Variants in VPS53 observed in about 807,000 individuals in gnomAD.
VPS53 encodes the protein vacuolar protein sorting-associated protein 53 homolog.
Under a neutral mutation model 107.0 loss-of-function variants are expected in VPS53, and 70 were observed. The observed-to-expected ratio is 0.65, with a 90% CI of 0.54 to 0.80. The LOEUF is 0.80. Among genes scored for constraint, VPS53 ranks in the 30% least tolerant of loss-of-function variants. The probability of loss-of-function intolerance (pLI) is 0.00; values close to 1 mark genes in which losing one functional copy is unlikely to be tolerated. For synonymous variants in VPS53, 409 were observed against 393.3 expected, an observed-to-expected ratio of 1.04 and a Z score of -0.47; for missense variants, 917 against 1,049.4, an observed-to-expected ratio of 0.87 and a Z score of 1.74.
intron 7 of VPS53, among the ~76,000 whole-genome samples, chr17:634,457 A>G (rs1970105059): frequency 6.6e-6 from 1 of 151,900 alleles, no homozygotes; most frequent in African/African-American, 2.4e-5. Context: ...CAGGTTCGTT[A>G]CATATGTATA....
At chr17:583,150 G>T (rs565394615) in intron 13 of VPS53, among the ~76,000 whole-genome samples, 2 of 149,304 alleles carry the variant, frequency 1.3e-5, no homozygotes. Flanking sequence ...ATCTCCCTCA[G>T]AACCTAATGC....
intron 2 of VPS53, among the ~76,000 whole-genome samples, chr17:707,437 T>C (rs1392010183): frequency 6.6e-6 from 1 of 151,002 alleles, no homozygotes; most frequent in Admixed American, 6.6e-5. Flanking sequence ...GGAGAATCAC[T>C]TGAACCCAGG....
At chr17:670,730 G>A (rs8081506) in intron 4 of VPS53, among the ~76,000 whole-genome samples, 12,995 of 152,128 alleles carry the variant, frequency 0.085, 631 homozygotes, top group Non-Finnish European at 0.11. Flanking sequence ...ATTTTAAACC[G>A]AGATCCCCTT....
intron 7 of VPS53, among the ~76,000 whole-genome samples, chr17:648,768 A>G (rs1432759588): frequency 7.0e-6 from 1 of 143,152 alleles, no homozygotes; most frequent in Non-Finnish European, 1.6e-5. Context: ...TGGAACAGGC[A>G]CTGAAGATCT....
rs1365499027 is a variant in VPS53, at chr17:511,773, G to T, written c.*7355C>A. 6.6e-6 allele frequency: 1 copy of T among 152,046 alleles called. No homozygotes were observed. The highest frequency in any genetic ancestry group is 1.9e-4 in the East Asian group (1 of 5,190). 9.4% of individuals were successfully genotyped at this position (152,046 alleles called of 1,614,324 possible). On this transcript the variant is annotated 3_prime_UTR_variant, in exon 22 of 22. Transcript: ENST00000437048. ...AGAAGAAGAAGAAGAAAAAAGGCAA[G>T]AATAAGTAAAAGGAAAAAAAAGAAA... is the stretch of plus-strand genomic sequence containing the variant.
intron 12 of VPS53, among the ~76,000 whole-genome samples, chr17:599,756 A>G (rs1260227267): frequency 1.6e-5 from 2 of 125,112 alleles, no homozygotes; most frequent in Non-Finnish European, 3.6e-5. Context: ...AATAAAAAAT[A>G]AATAAATTAA....
At chr17:577,229 C>T (rs34448281) in intron 13 of VPS53, among the ~76,000 whole-genome samples, 1 of 150,222 alleles carries the variant, frequency 6.7e-6, no homozygotes, top group East Asian at 2.0e-4. Context: ...TCCCTCAGAA[C>T]CTAATCTTTC....
chr17:631,779 G>A, intron 7 of VPS53, 151 bp from the exon 8 acceptor site: 1 of 627,006 alleles, frequency 1.6e-6, no homozygotes, highest in Non-Finnish European at 2.8e-6. Context: ...TACTAGTTAA[G>A]TGACAGGTTG....
intron 7 of VPS53, among the ~76,000 whole-genome samples, chr17:635,530 G>A (rs1051758270): frequency 6.6e-6 from 1 of 152,128 alleles, no homozygotes; most frequent in African/African-American, 2.4e-5. Flanking sequence ...ATGGTTTTAG[G>A]TCTAACATTT....
chr17:640,138 T>A (rs1970364261), intron 7 of VPS53, among the ~76,000 whole-genome samples: 1 of 152,200 alleles, frequency 6.6e-6, no homozygotes, highest in African/African-American at 2.4e-5. Context: ...GCCTTGCAGT[T>A]TGATCTCAGA....
intron 2 of VPS53, among the ~76,000 whole-genome samples, chr17:709,768 A>C (rs1176859631): frequency 6.6e-6 from 1 of 152,132 alleles, no homozygotes; most frequent in African/African-American, 2.4e-5. Context: ...TTCTCACCCA[A>C]ACACCCAAAA....
intron 4 of VPS53, among the ~76,000 whole-genome samples, chr17:662,891 A>AAGGC (rs796978892): frequency 3.1e-4 from 43 of 137,644 alleles, no homozygotes; most frequent in African/African-American, 8.2e-4. Flanking sequence ...GGAAGGAAGG[A>AAGGC]AGGCAGGCAG....
At chr17:684,795 G>A (rs1290715187) in intron 4 of VPS53, among the ~76,000 whole-genome samples, 1 of 151,986 alleles carries the variant, frequency 6.6e-6, no homozygotes, top group African/African-American at 2.4e-5. Flanking sequence ...AGACCAGCCT[G>A]GCCAACATAA....
intron 7 of VPS53, among the ~76,000 whole-genome samples, chr17:637,834 C>T (rs984784670): frequency 1.4e-4 from 22 of 152,158 alleles, no homozygotes; most frequent in African/African-American, 5.3e-4. Context: ...GCTTTACTTC[C>T]AACTATGTGA....
rs770607776 is a variant in VPS53 at position 586,307 on chromosome 17, C to G, written c.1276G>C (p.Glu426Gln). ...TCGATATACACGTAGAGATGAGGCT[C>G]AAAACACTTGGAAACAATGCCATGA... ...PFHGIVSKCF[E>Q]PHLYVYIESQ... is the part of the protein sequence containing the mutation. The change falls in exon 13 of 22, where the codon GAG becomes CAG. Residue 426 changes from glutamate (E) to glutamine (Q), a missense_variant. Glu to Gln is a conservative substitution (Grantham distance 29). Coordinates refer to ENST00000437048, the MANE Select transcript of VPS53 (RefSeq NM_001128159.3). 4 of 1,614,036 alleles carry G rather than the reference C, an allele frequency of 2.5e-6. No homozygotes were observed. The South Asian group carries it at 4.4e-5, about 18-fold the overall frequency.
intron 11 of VPS53, among the ~76,000 whole-genome samples, chr17:613,556 AT>A (rs1422778975): frequency 2.0e-5 from 3 of 151,088 alleles, no homozygotes; most frequent in African/African-American, 7.3e-5. Context: ...ACCTGTACAG[AT>A]ATTCACAGCA....
intron 4 of VPS53, among the ~76,000 whole-genome samples, chr17:680,896 G>T (rs936541769): frequency 1.3e-5 from 2 of 152,092 alleles, no homozygotes; most frequent in African/African-American, 4.8e-5. Flanking sequence ...AAAACTTTTT[G>T]ACCTCAGAAT....
intron 2 of VPS53, among the ~76,000 whole-genome samples, chr17:704,175 G>T (rs1973316144): frequency 6.6e-6 from 1 of 152,070 alleles, no homozygotes; most frequent in African/African-American, 2.4e-5. Flanking sequence ...ACTATTAGGA[G>T]GCTAAAACGA....
intron 11 of VPS53, among the ~76,000 whole-genome samples, chr17:613,305 G>C (rs1968981174): frequency 6.7e-6 from 1 of 149,434 alleles, no homozygotes; most frequent in Non-Finnish European, 1.5e-5. Flanking sequence ...TTCAAATAGT[G>C]AATTCACACA....
Sources: allele counts gnomAD v4.1 joint callset (sites outside exome capture counted in the v4.1 genomes callset), GRCh38; gene constraint gnomAD v4.1.1; transcripts MANE v1.5; gene names NCBI Gene and HGNC (gene_info 2026-07-23, HGNC 2026-07-21).